The following PEX5L variants were observed in gnomAD, a reference collection of about 807,000 sequenced individuals.
The protein encoded by PEX5L is peroxisomal biogenesis factor 5 like.
Under a neutral mutation model 84.0 loss-of-function variants are expected in PEX5L, and 30 were observed. The ratio of observed to expected loss-of-function variants is 0.36; its 90% CI spans 0.27 to 0.48. The LOEUF (loss-of-function observed/expected upper bound fraction) is 0.48. Among genes scored for constraint, PEX5L ranks in the 20% least tolerant of loss-of-function variants. The pLI is 0.99. For missense variants in PEX5L, 533 were observed against 754.6 expected, an observed-to-expected ratio of 0.71 and a Z score of 3.44; for synonymous variants, 270 against 283.1, an observed-to-expected ratio of 0.95 and a Z score of 0.46.
chr3:179,884,048 A>G (rs1422714169), intron 4 of PEX5L, among the ~76,000 whole-genome samples: 1 of 152,200 alleles, frequency 6.6e-6, no homozygotes, highest in Non-Finnish European at 1.5e-5. Context: ...GTGTTTCCTT[A>G]CTTAGTCTAC....
intron 2 of PEX5L, among the ~76,000 whole-genome samples, chr3:179,950,992 C>G (rs1279252884): frequency 6.6e-6 from 1 of 152,140 alleles, no homozygotes; most frequent in African/African-American, 2.4e-5. Flanking sequence ...AGATGTAAGT[C>G]CTGCTGGCCT....
chr3:179,977,614 G>T (rs13091265), intron 1 of PEX5L, among the ~76,000 whole-genome samples: 59,479 of 151,942 alleles, frequency 0.39, 12,364 homozygotes, highest in East Asian at 0.75. Context: ...TTCCCAAAAG[G>T]CCTGGAAGTA....
At chr3:179,917,344 T>C (rs1289792379) in intron 2 of PEX5L, among the ~76,000 whole-genome samples, 1 of 151,778 alleles carries the variant, frequency 6.6e-6, no homozygotes, top group African/African-American at 2.4e-5. Flanking sequence ...TTTTTTTTTT[T>C]TTTAAAATAA....
At chr3:179,847,959 A>G (rs1577554804) in intron 8 of PEX5L, among the ~76,000 whole-genome samples, 1 of 147,548 alleles carries the variant, frequency 6.8e-6, no homozygotes, top group Non-Finnish European at 1.5e-5. Context: ...TGGTGTTCCA[A>G]CGTTTGGGTA....
chr3:179,824,907 T>C (rs1368545900), intron 8 of PEX5L, among the ~76,000 whole-genome samples: 1 of 152,202 alleles, frequency 6.6e-6, no homozygotes, highest in Non-Finnish European at 1.5e-5. Context: ...CTACTCACCA[T>C]ATTTCCTGTT....
At chr3:179,851,345 G>A (rs1741786492) in intron 8 of PEX5L, among the ~76,000 whole-genome samples, 1 of 152,154 alleles carries the variant, frequency 6.6e-6, no homozygotes, top group South Asian at 2.1e-4. Context: ...ATCCTTACAT[G>A]TTTGTAGGAC....
intron 4 of PEX5L, among the ~76,000 whole-genome samples, chr3:179,886,096 G>A (rs1164879916): frequency 2.6e-5 from 4 of 152,122 alleles, no homozygotes; most frequent in Non-Finnish European, 5.9e-5. Flanking sequence ...GCTCTCTCAG[G>A]GTGGATCCTT....
At chr3:179,955,422 G>A (rs940629838) in intron 2 of PEX5L, among the ~76,000 whole-genome samples, 2 of 102,494 alleles carry the variant, frequency 2.0e-5, no homozygotes, top group Non-Finnish European at 4.0e-5. Flanking sequence ...TGTTTTGAGC[G>A]ATGTTATGTG....
rs116634401 is a variant in PEX5L, at chr3:179,932,776, T to C, written c.94-34530A>G. ...AATTGCATATATTTATAATGTACGA[T>C]ATGATGTTTTGAAATATGCATGCAT... On this transcript the variant is annotated intron_variant, in intron 2 of 14. Coordinates refer to ENST00000467460, the MANE Select transcript of PEX5L (RefSeq NM_016559.3). Among the ~76,000 whole-genome samples, 1,522 of 152,306 alleles carry C rather than the reference T, an allele frequency of 1.0e-2. 24 individuals are homozygous for C. The highest frequency in any genetic ancestry group is 0.035 in the African/African-American group (1,451 of 41,560).
At chr3:179,834,713 A>G (rs73885955) in intron 8 of PEX5L, among the ~76,000 whole-genome samples, 1,691 of 152,360 alleles carry the variant, frequency 0.011, 40 homozygotes, top group African/African-American at 0.039. Flanking sequence ...GATTGAAACA[A>G]TACTGTCCTT....
At chr3:179,891,016 A>C (rs564887782) in intron 3 of PEX5L, among the ~76,000 whole-genome samples, 1 of 151,668 alleles carries the variant, frequency 6.6e-6, no homozygotes, top group Non-Finnish European at 1.5e-5. Flanking sequence ...ACTTTGGACA[A>C]ATTTTCTGGA....
At chr3:179,840,047 A>C (rs1251236879) in intron 8 of PEX5L, among the ~76,000 whole-genome samples, 1 of 152,094 alleles carries the variant, frequency 6.6e-6, no homozygotes, top group East Asian at 1.9e-4. Flanking sequence ...CTGTGGAATG[A>C]GGAGGAGGGA....
intron 2 of PEX5L, among the ~76,000 whole-genome samples, chr3:179,912,473 A>C (rs999335279): frequency 2.0e-5 from 3 of 152,110 alleles, no homozygotes; most frequent in African/African-American, 7.2e-5. Context: ...TGTACAAAAA[A>C]TTAATCCTTT....
At chr3:180,034,093 G>A (rs574146962) in intron 1 of PEX5L, among the ~76,000 whole-genome samples, 1 of 152,290 alleles carries the variant, frequency 6.6e-6, no homozygotes, top group Non-Finnish European at 1.5e-5. Context: ...CACCACAGGA[G>A]TTTTAAATTA....
intron 2 of PEX5L, among the ~76,000 whole-genome samples, chr3:179,935,728 G>A (rs1774389462): frequency 6.6e-6 from 1 of 152,080 alleles, no homozygotes; most frequent in Non-Finnish European, 1.5e-5. Flanking sequence ...CAGCAATGTT[G>A]CAGGTGGAAC....
In PEX5L at chr3:180,021,192, C is replaced by T. The variant is rs148980235; in HGVS notation, c.21+15387G>A. On this transcript the variant is annotated intron_variant, in intron 1 of 14. Coordinates refer to ENST00000467460, the MANE Select transcript of PEX5L (RefSeq NM_016559.3). The stretch of plus-strand genomic sequence containing the variant: ...CAGGTAGGTGAGAATGTGGGTGACC[C>T]GGTCAGAGAGAACATCACTAGAGAA... 5.3e-5 allele frequency among the ~76,000 whole-genome samples: 8 copies of T among 152,130 alleles called. No individual in the cohort carries two copies. In the East Asian group the frequency reaches 1.5e-3, roughly 29 times the overall value.
At chr3:179,918,803 A>G (rs1317685804) in intron 2 of PEX5L, among the ~76,000 whole-genome samples, 2 of 152,144 alleles carry the variant, frequency 1.3e-5, no homozygotes. Flanking sequence ...GACAGCAAAT[A>G]CCATGAATTT....
Position 179,802,094 on chromosome 3 carries a change from A to C in PEX5L, c.1677-62T>G. On this transcript the variant is annotated intron_variant, in intron 14 of 14. Transcript: ENST00000467460. ...CATTTCAGAGTTAGCAAATGTAAAC[A>C]AAACAAAACAAAATTGGATTAAGTG... 7.9e-6 allele frequency: 9 copies of C among 1,133,638 alleles called. No individual in the cohort carries two copies. The Admixed American group carries it at 1.5e-4, about 19-fold the overall frequency. The allele number at this position is 1,133,638 out of a possible 1,614,324, so 70.2% of individuals were successfully genotyped here.
In PEX5L at chr3:179,979,521, C is replaced by G. The variant is rs184339891; in HGVS notation, c.22-7856G>C. ...AACAAGATGAAACTAGCAAGCACTC[C>G]TTTTTGGTGGTTTTAACCCTGTCAT... On this transcript the variant is annotated intron_variant, in intron 1 of 14. Transcript: ENST00000467460. 5.3e-5 allele frequency among the ~76,000 whole-genome samples: 8 copies of G among 152,246 alleles called. No individual in the cohort carries two copies. The East Asian group carries it at 1.5e-3, about 29-fold the overall frequency.
Sources: allele counts gnomAD v4.1 joint callset (sites outside exome capture counted in the v4.1 genomes callset), GRCh38; gene constraint gnomAD v4.1.1; transcripts MANE v1.5; gene names NCBI Gene and HGNC (gene_info 2026-07-23, HGNC 2026-07-21).